The following NCEH1 variants were observed in gnomAD, a reference collection of about 807,000 sequenced individuals.
The protein encoded by NCEH1 is 2-acetyl MAGE hydrolase.
A neutral mutation model predicts 25.4 loss-of-function variants in NCEH1; 9 were observed. The ratio of observed to expected loss-of-function variants is 0.35; its 90% CI spans 0.21 to 0.62. NCEH1 has a LOEUF of 0.62. NCEH1 is among the 20% of genes least tolerant of loss of function. The probability of loss-of-function intolerance (pLI) is 0.72; values close to 1 mark genes in which losing one functional copy is unlikely to be tolerated. For synonymous variants in NCEH1, 200 were observed against 199.8 expected, an observed-to-expected ratio of 1.00 and a Z score of -0.01; for missense variants, 412 against 501.1, an observed-to-expected ratio of 0.82 and a Z score of 1.70.
rs540404788 is a variant in NCEH1 at position 172,683,919 on chromosome 3, C to T, written c.138+26928G>A. 7.2e-5 allele frequency among the ~76,000 whole-genome samples: 11 copies of T among 152,308 alleles called. No homozygotes were observed. The East Asian group carries it at 2.1e-3, about 29-fold the overall frequency. On this transcript the variant is annotated intron_variant, in intron 1 of 4. Transcript: ENST00000475381. Reference sequence around the variant, plus strand: ...CCACAGTAGTGTTACTTAATATTATCAAACATTTTCCTCCTCTCATACCAT... The same window carrying T: ...CCACAGTAGTGTTACTTAATATTATTAAACATTTTCCTCCTCTCATACCAT...
chr3:172,648,244 TTTTAATACAAAAA>T, intron 1 of NCEH1, 130 bp from the exon 2 acceptor site: 1 of 1,040,916 alleles, frequency 9.6e-7, no homozygotes, highest in Non-Finnish European at 1.4e-6. Context: ...CATTGAGCCC[TTTTAATACAAAAA>T]CCAATTGTAT....
chr3:172,639,099 G>C (rs1716733024), intron 3 of NCEH1, among the ~76,000 whole-genome samples: 1 of 152,124 alleles, frequency 6.6e-6, no homozygotes, highest in African/African-American at 2.4e-5. Flanking sequence ...AGGAGATCGA[G>C]ACCATCCTGG....
chr3:172,706,638 A>C (rs1015845342), intron 1 of NCEH1, among the ~76,000 whole-genome samples: 6 of 151,430 alleles, frequency 4.0e-5, no homozygotes, highest in African/African-American at 1.5e-4. Context: ...AGCTGGAATT[A>C]CAGGCGCGCA....
chr3:172,711,016 C>T lies in NCEH1; in HGVS notation c.-32G>A. On this transcript the variant is annotated 5_prime_UTR_variant, in exon 1 of 5. Coordinates refer to ENST00000475381, the MANE Select transcript of NCEH1 (RefSeq NM_020792.6). ...CTGGCTCGGCTCGCCAGCGGGCTGG[C>T]AAAGAGGAAAGGGCGATACCACCCG... 1.8e-5 allele frequency: 29 copies of T among 1,613,806 alleles called. No homozygotes were observed. The highest frequency in any genetic ancestry group is 2.5e-5 in the Non-Finnish European group (29 of 1,180,004).
intron 1 of NCEH1, among the ~76,000 whole-genome samples, chr3:172,695,041 G>T (rs571692786): frequency 6.6e-6 from 1 of 152,306 alleles, no homozygotes; most frequent in South Asian, 2.1e-4. Flanking sequence ...CAACTAACAT[G>T]ATAGAGAGGA....
At chr3:172,668,816 A>G (rs1718350615) in intron 1 of NCEH1, among the ~76,000 whole-genome samples, 2 of 152,332 alleles carry the variant, frequency 1.3e-5, no homozygotes, top group Admixed American at 6.5e-5. Flanking sequence ...GCACAGACAT[A>G]TATATTTTCC....
chr3:172,642,118 GAAGA>G (rs1716877747), intron 3 of NCEH1, among the ~76,000 whole-genome samples: 1 of 151,994 alleles, frequency 6.6e-6, no homozygotes, highest in South Asian at 2.1e-4. Flanking sequence ...ATAAAAGAAA[GAAGA>G]AAGAAGCGAG....
intron 1 of NCEH1, among the ~76,000 whole-genome samples, chr3:172,676,222 G>A (rs972468013): frequency 2.6e-5 from 4 of 152,126 alleles, no homozygotes; most frequent in Non-Finnish European, 5.9e-5. Flanking sequence ...GGCTTTTTCT[G>A]TTAATAAAAG....
intron 1 of NCEH1, chr3:172,681,132 A>C (rs1015032590): frequency 6.6e-6 from 1 of 152,024 alleles, no homozygotes; most frequent in Non-Finnish European, 1.5e-5. Flanking sequence ...GGGGAGAAGG[A>C]GGGGCAGGAA....
chr3:172,639,582 A>T (rs900770895), intron 3 of NCEH1, among the ~76,000 whole-genome samples: 14 of 152,174 alleles, frequency 9.2e-5, no homozygotes, highest in African/African-American at 2.9e-4. Context: ...TTCAATATTT[A>T]AAAACTGCAG....
chr3:172,697,698 A>G (rs905436608), intron 1 of NCEH1, among the ~76,000 whole-genome samples: 2 of 152,188 alleles, frequency 1.3e-5, no homozygotes, highest in Admixed American at 6.5e-5. Context: ...AAGACAGAAG[A>G]TTGAACAACC....
At chr3:172,656,891 C>T (rs552107731) in intron 1 of NCEH1, among the ~76,000 whole-genome samples, 1 of 152,288 alleles carries the variant, frequency 6.6e-6, no homozygotes, top group African/African-American at 2.4e-5. Flanking sequence ...GACCCCAATG[C>T]CAATGCCGAT....
intron 1 of NCEH1, among the ~76,000 whole-genome samples, chr3:172,653,744 G>GTTTT (rs796835886): frequency 4.0e-4 from 38 of 95,630 alleles, no homozygotes; most frequent in African/African-American, 1.0e-3. Flanking sequence ...TGTTTTTTTT[G>GTTTT]TTTTTTTGTT....
chr3:172,653,786 C>G (rs1326741986), intron 1 of NCEH1, among the ~76,000 whole-genome samples: 1 of 102,760 alleles, frequency 9.7e-6, no homozygotes, highest in African/African-American at 4.2e-5. Flanking sequence ...GAGACAGAGT[C>G]TCCCTTTGTT....
In NCEH1 at chr3:172,686,342, T is replaced by A. The variant is rs576309660; in HGVS notation, c.138+24505A>T. ...CTGCTGGATCCAGTTCTTTCCGGTC[T>A]TCCGCACACCAAATACCCAACACTT... On this transcript the variant is annotated intron_variant, in intron 1 of 4. Transcript: ENST00000475381. 4.6e-5 allele frequency among the ~76,000 whole-genome samples: 7 copies of A among 152,330 alleles called. No individual in the cohort carries two copies. In the South Asian group the frequency reaches 1.0e-3, roughly 23 times the overall value.
intron 1 of NCEH1, among the ~76,000 whole-genome samples, chr3:172,679,342 T>C (rs766714745): frequency 2.0e-4 from 31 of 152,250 alleles, no homozygotes; most frequent in Non-Finnish European, 2.5e-4. Flanking sequence ...TTAGCACAGG[T>C]CTTTGAATAA....
chr3:172,648,385 T>C (rs1476574905), intron 1 of NCEH1, among the ~76,000 whole-genome samples: 2 of 152,206 alleles, frequency 1.3e-5, no homozygotes, highest in African/African-American at 4.8e-5. Flanking sequence ...ATTGGATAAG[T>C]GGTAGTTCTG....
At chr3:172,640,156 A>C (rs1035226719) in intron 3 of NCEH1, among the ~76,000 whole-genome samples, 2 of 152,242 alleles carry the variant, frequency 1.3e-5, no homozygotes, top group Admixed American at 1.3e-4. Context: ...GGTGAAAGAT[A>C]CATGCGGCAT....
At chr3:172,635,860 G>A in intron 4 of NCEH1, 56 bp downstream of exon 4, 2 of 1,547,974 alleles carry the variant, frequency 1.3e-6, no homozygotes, top group Non-Finnish European at 1.8e-6. Context: ...GTGTTGGTCT[G>A]CTAGACCTTG....
Sources: gnomAD v4.1 joint callset for allele counts (sites outside exome capture counted in the v4.1 genomes callset) on GRCh38, gnomAD v4.1.1 for gene constraint, MANE v1.5 for transcripts, NCBI Gene and HGNC (gene_info 2026-07-23, HGNC 2026-07-21) for gene names.